Variants in EWSR1 observed in about 807,000 individuals in gnomAD.
The protein encoded by EWSR1 is RNA-binding protein EWS.
Under a neutral mutation model 92.1 loss-of-function variants are expected in EWSR1, and 14 were observed. The ratio of observed to expected loss-of-function variants is 0.15; its 90% CI spans 0.10 to 0.24. EWSR1 has a LOEUF of 0.24. EWSR1 is among the 10% of genes least tolerant of loss of function. EWSR1 has a pLI of 1.00. For missense variants in EWSR1, 637 were observed against 870.9 expected (o/e 0.73, Z 3.38); for synonymous variants, 303 against 292.9 (o/e 1.03, Z -0.35).
At chr22:29,290,000 C>T (rs1381535079) in intron 8 of EWSR1, 3 of 233,176 alleles carry the variant, frequency 1.3e-5, no homozygotes, top group African/African-American at 4.4e-5. Context: ...ACTATCATCA[C>T]GTCTCAAATC....
chr22:29,286,190 C>T (rs1040104816), intron 6 of EWSR1, among the ~76,000 whole-genome samples: 4 of 151,532 alleles, frequency 2.6e-5, no homozygotes, highest in African/African-American at 9.7e-5. Flanking sequence ...GTTCCCGAGT[C>T]GCCAAGGCTG....
At chr22:29,295,514 A>G (rs898662536) in intron 11 of EWSR1, 6 of 213,542 alleles carry the variant, frequency 2.8e-5, no homozygotes, top group African/African-American at 1.4e-4. Flanking sequence ...GTTTTGCCAT[A>G]TTTTCTTTTC....
chr22:29,284,113 C>CAT (rs1435361537), intron 6 of EWSR1, among the ~76,000 whole-genome samples: 3 of 151,178 alleles, frequency 2.0e-5, no homozygotes, highest in Non-Finnish European at 2.9e-5. Context: ...GGAATACAGG[C>CAT]ATGAGCCACT....
intron 8 of EWSR1, chr22:29,290,313 G>T: frequency 1.6e-6 from 2 of 1,219,010 alleles, no homozygotes; most frequent in Non-Finnish European, 2.3e-6. Flanking sequence ...ACTCAATGTT[G>T]TTAACATGCC....
intron 11 of EWSR1, among the ~76,000 whole-genome samples, chr22:29,294,681 C>T (rs906314682): frequency 2.6e-5 from 4 of 151,458 alleles, no homozygotes; most frequent in East Asian, 3.9e-4. Context: ...TATGGGAGGC[C>T]GAGGTGGGTG....
Position 29,283,595 on chromosome 22 carries a change from G to A in EWSR1, c.581+1038G>A, listed in dbSNP as rs531638766. Among the ~76,000 whole-genome samples the A allele has an allele frequency of 1.1e-4, 16 of 151,126 alleles. 2 individuals are homozygous for A. Among genetic ancestry groups the A allele is most frequent in the African/African-American group, 3.5e-4 (14 of 40,508 alleles). On this transcript the variant is annotated intron_variant, in intron 6 of 16. Coordinates refer to ENST00000397938, the MANE Select transcript of EWSR1 (RefSeq NM_005243.4). ...GGCTGGAGTGCAATGGCACAATCTC[G>A]GCTTACTGCAGTTTCCACCTCCTGG...
intron 11 of EWSR1, among the ~76,000 whole-genome samples, chr22:29,293,547 C>T (rs928382694): frequency 6.6e-6 from 1 of 152,036 alleles, no homozygotes; most frequent in Non-Finnish European, 1.5e-5. Context: ...GATTTTATTT[C>T]TCCATTTATT....
At chr22:29,274,140 G>A in intron 4 of EWSR1, 1 of 1,043,386 alleles carries the variant, frequency 9.6e-7, no homozygotes, top group South Asian at 1.3e-5. Context: ...AAAAGATTTT[G>A]CTAATGCTAA....
At chr22:29,277,024 G>T (rs1266921238) in intron 4 of EWSR1, 1 of 230,840 alleles carries the variant, frequency 4.3e-6, no homozygotes, top group Non-Finnish European at 8.6e-6. Context: ...AGGTACTCTA[G>T]TTAGGAGCTG....
chr22:29,286,454 C>T (rs957539107), intron 6 of EWSR1, among the ~76,000 whole-genome samples: 4 of 151,844 alleles, frequency 2.6e-5, no homozygotes, highest in African/African-American at 4.8e-5. Flanking sequence ...TTTGGGAGGC[C>T]GAGGTGGGCG....
chr22:29,293,968 C>T (rs997438968), intron 11 of EWSR1, among the ~76,000 whole-genome samples: 1 of 151,798 alleles, frequency 6.6e-6, no homozygotes, highest in Non-Finnish European at 1.5e-5. Context: ...ACCTCTGCCT[C>T]CCGGGTCTCC....
chr22:29,283,157 T>C (rs1023208761), intron 6 of EWSR1, among the ~76,000 whole-genome samples: 3 of 152,176 alleles, frequency 2.0e-5, no homozygotes, highest in Admixed American at 1.3e-4. Context: ...TTAACTCAGA[T>C]GGGAAGCAGA....
intron 13 of EWSR1, among the ~76,000 whole-genome samples, chr22:29,298,340 T>C (rs1214367898): frequency 1.3e-5 from 2 of 152,106 alleles, no homozygotes; most frequent in Admixed American, 6.5e-5. Context: ...ACTCCCTCTC[T>C]ACTAAAAATA....
intron 5 of EWSR1, among the ~76,000 whole-genome samples, chr22:29,278,549 G>A (rs1282843368): frequency 1.3e-5 from 2 of 152,080 alleles, no homozygotes; most frequent in African/African-American, 4.8e-5. Context: ...TACCGGGGGG[G>A]CGCAGTGGCT....
chr22:29,270,001 T>A (rs2146667010), intron 1 of EWSR1, among the ~76,000 whole-genome samples: 1 of 152,320 alleles, frequency 6.6e-6, no homozygotes, highest in Non-Finnish European at 1.5e-5. Context: ...GTCACATAAG[T>A]AATCTGGTCC....
intron 8 of EWSR1, chr22:29,290,282 A>G: frequency 1.3e-6 from 1 of 767,058 alleles, no homozygotes; most frequent in Non-Finnish European, 2.1e-6. Context: ...GATGGTTTTC[A>G]GTGTCTTGTA....
At chr22:29,298,026 A>C (rs2061003795) in intron 13 of EWSR1, 77 bp downstream of exon 13, 1 of 1,460,658 alleles carries the variant, frequency 6.8e-7, no homozygotes, top group African/African-American at 1.4e-5. Context: ...TGATTATTAG[A>C]GTGAAGAAAT....
chr22:29,271,990 A>G (rs2058716071), intron 1 of EWSR1, among the ~76,000 whole-genome samples: 1 of 152,172 alleles, frequency 6.6e-6, no homozygotes, highest in Admixed American at 6.5e-5. Context: ...AAATCAGCTG[A>G]TCTTGACCTC....
intron 11 of EWSR1, among the ~76,000 whole-genome samples, chr22:29,293,244 C>G (rs1303119822): frequency 1.3e-5 from 2 of 151,924 alleles, no homozygotes; most frequent in East Asian, 1.9e-4. Flanking sequence ...CTGGCCACCT[C>G]AAGTGGCCAC....
Sources: gnomAD v4.1 joint callset for allele counts (sites outside exome capture counted in the v4.1 genomes callset) on GRCh38, gnomAD v4.1.1 for gene constraint, MANE v1.5 for transcripts, NCBI Gene and HGNC (gene_info 2026-07-23, HGNC 2026-07-21) for gene names.